Variants in PDE1C observed in about 807,000 individuals in gnomAD.
PDE1C encodes dual specificity calcium/calmodulin-dependent 3',5'-cyclic nucleotide phosphodiesterase 1C.
A neutral mutation model predicts 93.1 loss-of-function variants in PDE1C; 62 were observed. The ratio of observed to expected loss-of-function variants is 0.67; its 90% CI spans 0.54 to 0.82. The LOEUF is 0.82. Ranked by LOEUF, PDE1C falls within the 40% of genes least tolerant of loss-of-function variation. The pLI is 0.00. For synonymous variants in PDE1C, 325 were observed against 310.1 expected (o/e 1.05, Z -0.50); for missense variants, 742 against 884.6 (o/e 0.84, Z 2.04).
At chr7:32,054,698 T>C (rs1430104320) in intron 1 of PDE1C, among the ~76,000 whole-genome samples, 2 of 152,206 alleles carry the variant, frequency 1.3e-5, no homozygotes, top group South Asian at 2.1e-4. Flanking sequence ...CCCTCGTTCA[T>C]AGATATATTC....
chr7:31,833,142 G>GGAAA (rs757220604), intron 11 of PDE1C, among the ~76,000 whole-genome samples: 9 of 152,270 alleles, frequency 5.9e-5, no homozygotes, highest in Admixed American at 1.3e-4. Flanking sequence ...TTTTACAAGG[G>GGAAA]GAAACCCCTT....
intron 1 of PDE1C, among the ~76,000 whole-genome samples, chr7:32,339,419 T>G (rs1334915316): frequency 6.6e-6 from 1 of 152,166 alleles, no homozygotes. Flanking sequence ...TGAAGAGAGC[T>G]CTGGAGACTG....
intron 1 of PDE1C, among the ~76,000 whole-genome samples, chr7:32,402,568 ATCT>A (rs776962608): frequency 6.6e-6 from 1 of 152,076 alleles, no homozygotes; most frequent in Non-Finnish European, 1.5e-5. Context: ...GGTGAGGGTG[ATCT>A]TCTTTACTCA....
At chr7:31,749,741 T>TG (rs1185122518), downstream of PDE1C, among the ~76,000 whole-genome samples, 1 of 145,424 alleles carries the variant, frequency 6.9e-6, no homozygotes, top group Non-Finnish European at 1.5e-5. Flanking sequence ...TCTAATTTTT[T>TG]TTTTTTTTTT....
At chr7:32,410,684 GAAGA>G (rs71746927) in intron 1 of PDE1C, among the ~76,000 whole-genome samples, 22,229 of 152,010 alleles carry the variant, frequency 0.15, 3,144 homozygotes, top group African/African-American at 0.36. Context: ...GAAGCTGAGA[GAAGA>G]GAGAGCTGAG....
chr7:31,642,568 T>C, the PDE1C span: 4 of 937,588 alleles, frequency 4.3e-6, no homozygotes, highest in Non-Finnish European at 6.3e-6. Context: ...AAACCTGATG[T>C]TGCAACCCTT....
At chr7:31,867,227 C>A (rs568057973) in intron 6 of PDE1C, among the ~76,000 whole-genome samples, 1 of 152,216 alleles carries the variant, frequency 6.6e-6, no homozygotes, top group Admixed American at 6.5e-5. Context: ...ACAAAACCCC[C>A]CACCTGCAGC....
chr7:31,922,245 T>A (rs1441830828), intron 2 of PDE1C, among the ~76,000 whole-genome samples: 3 of 152,176 alleles, frequency 2.0e-5, no homozygotes, highest in Non-Finnish European at 4.4e-5. Context: ...TATTTAACAA[T>A]CTTCAGGAAA....
chr7:31,995,061 TC>T (rs1784558069), intron 2 of PDE1C, among the ~76,000 whole-genome samples: 1 of 152,200 alleles, frequency 6.6e-6, no homozygotes, highest in Non-Finnish European at 1.5e-5. Context: ...ACCAAACAGG[TC>T]TGTCCTGGAG....
the PDE1C span, chr7:31,653,666 G>A: frequency 6.6e-6 from 1 of 152,154 alleles, no homozygotes; most frequent in African/African-American, 2.4e-5. Flanking sequence ...TAAAATGGGA[G>A]GCAGATTGCC....
intron 2 of PDE1C, among the ~76,000 whole-genome samples, chr7:32,017,809 T>G (rs551104412): frequency 6.6e-6 from 1 of 152,262 alleles, no homozygotes; most frequent in East Asian, 1.9e-4. Context: ...CCAGGCATGG[T>G]AGCTCACACC....
At chr7:32,086,882 A>G (rs938698632) in intron 3 of PDE1C, among the ~76,000 whole-genome samples, 21 of 151,686 alleles carry the variant, frequency 1.4e-4, no homozygotes, top group African/African-American at 5.1e-4. Flanking sequence ...TACATGTTAG[A>G]CCTAAAACCA....
At chr7:31,672,878 T>C in the PDE1C span, among the ~76,000 whole-genome samples, 2 of 152,204 alleles carry the variant, frequency 1.3e-5, no homozygotes, top group African/African-American at 2.4e-5. Context: ...AACTGGATCA[T>C]AGGGGAGCAT....
At chr7:31,898,714 A>C (rs1033478112) in intron 2 of PDE1C, among the ~76,000 whole-genome samples, 1 of 152,248 alleles carries the variant, frequency 6.6e-6, no homozygotes, top group East Asian at 1.9e-4. Flanking sequence ...CTAAGCATCT[A>C]AACACTTATA....
Position 32,051,596 on chromosome 7 carries a change from T to C in PDE1C, c.102-16A>G, listed in dbSNP as rs760198932. The stretch of plus-strand genomic sequence containing the variant: ...ATATTTCCTCCTGTAAGAAAAGGCA[T>C]AAACATATATCAGAAAAGGGTTGTG... On this transcript the variant is annotated splice_polypyrimidine_tract_variant and intron_variant, in intron 1 of 17. Transcript: ENST00000396191. The C allele has an allele frequency of 6.2e-7, 1 of 1,612,356 alleles. No homozygotes were observed. Among genetic ancestry groups the C allele is most frequent in the Non-Finnish European group, 8.5e-7 (1 of 1,178,566 alleles).
chr7:31,879,052 C>G lies in PDE1C; in HGVS notation c.369G>C (p.Glu123Asp). The G allele has an allele frequency of 6.2e-7, 1 of 1,614,158 alleles. No individual in the cohort carries two copies. The highest frequency in any genetic ancestry group is 1.3e-5 in the African/African-American group (1 of 75,054). ...QMGMMLRRSD[E>D]KPRFKSIVHA... ...GAACGATGCTCTTGAACCGGGGCTT[C>G]TCGTCGCTCCTCCTGAGCATCATCC... Residue 123 changes from glutamate to aspartate, a missense_variant, in exon 4 of 18, where the codon GAG becomes GAC. Transcript: ENST00000396191.
At chr7:32,327,653 C>T (rs1346790946) in intron 1 of PDE1C, among the ~76,000 whole-genome samples, 1 of 151,788 alleles carries the variant, frequency 6.6e-6, no homozygotes, top group Non-Finnish European at 1.5e-5. Flanking sequence ...GCCTGTAGTC[C>T]CAGCTACTCA....
At chr7:32,062,276 A>G (rs1794905637) in intron 1 of PDE1C, among the ~76,000 whole-genome samples, 1 of 152,192 alleles carries the variant, frequency 6.6e-6, no homozygotes, top group South Asian at 2.1e-4. Context: ...TGTTGGATCT[A>G]CCTCCTAAAA....
At chr7:32,061,439 G>C (rs1794788999) in intron 1 of PDE1C, among the ~76,000 whole-genome samples, 1 of 152,230 alleles carries the variant, frequency 6.6e-6, no homozygotes, top group Admixed American at 6.5e-5. Flanking sequence ...ATCCATGGAG[G>C]CACCTCTGGA....
Sources: allele counts gnomAD v4.1 joint callset (sites outside exome capture counted in the v4.1 genomes callset), GRCh38; gene constraint gnomAD v4.1.1; transcripts MANE v1.5; gene names NCBI Gene and HGNC (gene_info 2026-07-23, HGNC 2026-07-21).